TOR1AIP2: variants seen among roughly 807,000 people sequenced by gnomAD.
TOR1AIP2 encodes torsin 1A interacting protein 2, also known as torsin-1A-interacting protein 2.
Under a neutral mutation model 32.6 loss-of-function variants are expected in TOR1AIP2, and 20 were observed. The observed-to-expected ratio is 0.61, with a 90% CI of 0.43 to 0.89. The LOEUF (loss-of-function observed/expected upper bound fraction) is 0.89. Among genes scored for constraint, TOR1AIP2 ranks in the 40% least tolerant of loss-of-function variants. TOR1AIP2 has a pLI of 0.00. For missense variants in TOR1AIP2, 456 were observed against 553.8 expected (o/e 0.82, Z 1.77); for synonymous variants, 214 against 210.8 (o/e 1.02, Z -0.13).
rs141174223 is a variant in TOR1AIP2, at chr1:179,851,125, C to T, written c.273G>A (p.Lys91=). 1 of 1,614,160 alleles carries T rather than the reference C, an allele frequency of 6.2e-7. No individual in the cohort carries two copies. Among genetic ancestry groups the T allele is most frequent in the East Asian group, 2.2e-5 (1 of 44,874 alleles). ...CTTTTCCGCCATCCAGAAAACTCTG[C>T]TTGTTCTCATCTTCTGTTTTATCCT... ...HPKDKTEDEN[K]QSFLDGGKGH... Residue 91 remains lysine (K), a synonymous_variant, in exon 5 of 7, where the codon AAG becomes AAA. Coordinates refer to ENST00000609928, the MANE Select transcript of TOR1AIP2 (RefSeq NM_001199260.2).
intron 3 of TOR1AIP2, chr1:179,860,031 G>T: frequency 1.4e-6 from 1 of 731,690 alleles, no homozygotes; most frequent in Non-Finnish European, 1.7e-6. Flanking sequence ...CTTTTTTGTA[G>T]AGTTGGGGGT....
intron 5 of TOR1AIP2, among the ~76,000 whole-genome samples, chr1:179,848,170 CT>C: frequency 6.6e-6 from 1 of 152,126 alleles, no homozygotes; most frequent in South Asian, 2.1e-4. Flanking sequence ...TTCACAATTC[CT>C]TACTGCCTCT....
chr1:179,850,863 T>C lies in TOR1AIP2; in HGVS notation c.535A>G (p.Arg179Gly), dbSNP rs953726788. Residue 179 changes from arginine to glycine, a missense_variant, in exon 5 of 7, where the codon AGG becomes GGG. By Grantham distance (125) the Arg-to-Gly change is moderately radical (BLOSUM62 -2). Transcript: ENST00000609928. Reference sequence around the variant, plus strand: ...CTCTTACCTGGGGCCAGCAGTCGCCTCCTCAGTGTATCCTCACCCTCTTGC... The same window carrying C: ...CTCTTACCTGGGGCCAGCAGTCGCCCCCTCAGTGTATCCTCACCCTCTTGC... ...AGQEGEDTLR[R>G]RLLAPEAGSH... The C allele has an allele frequency of 6.2e-7, 1 of 1,613,638 alleles. No homozygotes were observed. Among genetic ancestry groups the C allele is most frequent in the Admixed American group, 1.7e-5 (1 of 59,998 alleles).
intron 3 of TOR1AIP2, among the ~76,000 whole-genome samples, chr1:179,856,741 A>T (rs369312301): frequency 2.6e-5 from 4 of 152,198 alleles, no homozygotes; most frequent in Admixed American, 2.0e-4. Flanking sequence ...CTCAGCCTTC[A>T]TAGCTGGGAC....
At chr1:179,857,647 T>C (rs956147112) in intron 3 of TOR1AIP2, among the ~76,000 whole-genome samples, 1 of 152,242 alleles carries the variant, frequency 6.6e-6, no homozygotes, top group Non-Finnish European at 1.5e-5. Flanking sequence ...ACTTTTTACA[T>C]AACCAAGTTT....
At chr1:179,848,111 A>G (rs1695988062) in intron 5 of TOR1AIP2, among the ~76,000 whole-genome samples, 1 of 152,218 alleles carries the variant, frequency 6.6e-6, no homozygotes, top group Non-Finnish European at 1.5e-5. Context: ...TCTACTTAGA[A>G]GGATAAAATG....
chr1:179,851,385 A>AT, intron 4 of TOR1AIP2, 22 bp from the exon 5 acceptor site: 1 of 1,465,940 alleles, frequency 6.8e-7, no homozygotes, highest in Middle Eastern at 1.8e-4. Flanking sequence ...AAAGTTTATA[A>AT]TTTTTATTGG....
intron 5 of TOR1AIP2, among the ~76,000 whole-genome samples, chr1:179,848,852 T>C (rs1030242345): frequency 9.2e-5 from 14 of 152,098 alleles, no homozygotes; most frequent in Admixed American, 7.2e-4. Flanking sequence ...TGTAGCTGGC[T>C]GGGCGCAGTG....
intron 3 of TOR1AIP2, chr1:179,859,525 G>A: frequency 1.0e-6 from 1 of 985,340 alleles, no homozygotes; most frequent in Non-Finnish European, 1.2e-6. Context: ...TGACCTGAGT[G>A]AATTTGTACA....
chr1:179,847,685 AGTAT>A lies in TOR1AIP2; in HGVS notation c.554-53_554-50del, dbSNP rs1230453632. ...TATTTTTAGGCAGTACACTAATGAC[AGTAT>A]GTATACCTTTATATCTCTCACCAAA... On this transcript the variant is annotated intron_variant, in intron 5 of 6. Transcript: ENST00000609928. 9.4e-6 allele frequency: 11 copies of A among 1,174,066 alleles called. No individual in the cohort carries two copies. In the Admixed American group the frequency reaches 1.9e-4, roughly 20 times the overall value. The allele number at this position is 1,174,066 out of a possible 1,614,324, so 72.7% of individuals were successfully genotyped here. A position where few individuals can be genotyped will look rare whatever the true frequency, so the allele number is the denominator to read the frequency against.
chr1:179,845,833 C>A lies in TOR1AIP2; in HGVS notation c.*238G>T. 1 of 449,790 alleles carries A rather than the reference C, an allele frequency of 2.2e-6. No homozygotes were observed. Among genetic ancestry groups the A allele is most frequent in the Admixed American group, 3.9e-5 (1 of 25,832 alleles). The allele number at this position is 449,790 out of a possible 1,614,324, so 27.9% of individuals were successfully genotyped here. The stretch of plus-strand genomic sequence containing the variant: ...ATTCTCATATATATCATCGATATTT[C>A]AAACCTGATTTGGTCCAAAGAAAAA... On this transcript the variant is annotated 3_prime_UTR_variant, in exon 7 of 7. Coordinates refer to ENST00000609928, the MANE Select transcript of TOR1AIP2 (RefSeq NM_001199260.2).
At chr1:179,858,525 C>T (rs1249120460) in intron 3 of TOR1AIP2, among the ~76,000 whole-genome samples, 1 of 152,118 alleles carries the variant, frequency 6.6e-6, no homozygotes, top group African/African-American at 2.4e-5. Flanking sequence ...CTGCACTTTT[C>T]TGTATGTTTG....
chr1:179,863,701 G>C (rs994497002), intron 3 of TOR1AIP2: 26 of 964,952 alleles, frequency 2.7e-5, no homozygotes, highest in Non-Finnish European at 3.2e-5. Flanking sequence ...AAAAAAAAGA[G>C]GATCGCAAGG....
intron 3 of TOR1AIP2, chr1:179,858,986 G>A: frequency 1.0e-6 from 1 of 963,186 alleles, no homozygotes; most frequent in Non-Finnish European, 1.2e-6. Flanking sequence ...CAGGATGGTA[G>A]TTTAGATATA....
intron 3 of TOR1AIP2, among the ~76,000 whole-genome samples, chr1:179,858,663 A>C (rs1369075822): frequency 6.6e-6 from 1 of 152,220 alleles, no homozygotes; most frequent in Non-Finnish European, 1.5e-5. Flanking sequence ...TACATTACGG[A>C]GTACGCTTCC....
In TOR1AIP2 at chr1:179,844,667, T is replaced by C. The variant is rs537557334; in HGVS notation, c.*1404A>G. The C allele has an allele frequency of 6.6e-6, 1 of 152,334 alleles. No homozygotes were observed. The highest frequency in any genetic ancestry group is 6.5e-5 in the Admixed American group (1 of 15,294). 9.4% of individuals were successfully genotyped at this position (152,334 alleles called of 1,614,324 possible). On this transcript the variant is annotated 3_prime_UTR_variant, in exon 7 of 7. Coordinates refer to ENST00000609928, the MANE Select transcript of TOR1AIP2 (RefSeq NM_001199260.2). ...CTGAACATCAAAACCTCTGAGAATC[T>C]ACCCACCATTTCTGCTTCCTCTCAC...
At position 179,851,267 on chromosome 1, in the gene TOR1AIP2, T is replaced by C; in HGVS notation, c.131A>G (p.His44Arg). The change falls in exon 5 of 7, where the codon CAC becomes CGC. Residue 44 changes from histidine to arginine, a missense_variant. His to Arg is a conservative substitution (Grantham distance 29). Transcript: ENST00000609928. ...ASNAEEAEIL[H>R]SACGLSKDHQ... ...GTCTTTGCTAAGACCACAGGCAGAG[T>C]GTAGGATCTCAGCTTCTTCAGCATT... 6.2e-7 allele frequency: 1 copy of C among 1,612,042 alleles called. No homozygotes were observed. Among genetic ancestry groups the C allele is most frequent in the Non-Finnish European group, 8.5e-7 (1 of 1,179,984 alleles).
rs945695260 is a variant in TOR1AIP2, at chr1:179,861,993, C to A, written c.-147+3443G>T. On this transcript the variant is annotated intron_variant, in intron 3 of 6. Transcript: ENST00000609928. Reference sequence around the variant, plus strand: ...GTGGTAACAGGTACATGCCATGGCACCCGGCATGAGGTGTTATTTATAATA... The same window carrying A: ...GTGGTAACAGGTACATGCCATGGCAACCGGCATGAGGTGTTATTTATAATA... 6 of 985,168 alleles carry A rather than the reference C, an allele frequency of 6.1e-6. No individual in the cohort carries two copies. The African/African-American group carries it at 8.7e-5, about 14-fold the overall frequency. The allele number at this position is 985,168 out of a possible 1,614,324, so 61.0% of individuals were successfully genotyped here.
intron 3 of TOR1AIP2, chr1:179,863,384 T>C (rs1364681689): frequency 1.0e-6 from 1 of 985,214 alleles, no homozygotes; most frequent in Non-Finnish European, 1.2e-6. Context: ...CTAGGGATTT[T>C]TGGGAAAGAC....
Sources: allele counts gnomAD v4.1 joint callset (sites outside exome capture counted in the v4.1 genomes callset), GRCh38; gene constraint gnomAD v4.1.1; transcripts MANE v1.5; gene names NCBI Gene and HGNC (gene_info 2026-07-23, HGNC 2026-07-21).